The following AKAP13 variants were observed in gnomAD, a reference collection of about 807,000 sequenced individuals.
The protein encoded by AKAP13 is A-kinase anchor protein 13.
AKAP13 carries 80 observed loss-of-function variants against 264.5 expected under a neutral mutation model. The ratio of observed to expected loss-of-function variants is 0.30; its 90% confidence interval spans 0.25 to 0.36. AKAP13 has a LOEUF of 0.36. AKAP13 is among the 10% of genes least tolerant of loss of function. The pLI, the probability that AKAP13 is intolerant of heterozygous loss-of-function variation, is 1.00. For missense variants in AKAP13, 3,712 were observed against 3,435.2 expected (o/e 1.08, Z -2.01); for synonymous variants, 1,380 against 1,250.2 (o/e 1.10, Z -2.19).
At chr15:85,630,720 TAAAA>T (rs944937592) in intron 8 of AKAP13, among the ~76,000 whole-genome samples, 1 of 151,880 alleles carries the variant, frequency 6.6e-6, no homozygotes, top group Non-Finnish European at 1.5e-5. Context: ...ATTTTTCCAT[TAAAA>T]AAAAGAAACT....
intron 10 of AKAP13, among the ~76,000 whole-genome samples, chr15:85,649,555 C>T (rs961126072): frequency 1.3e-5 from 2 of 152,194 alleles, no homozygotes; most frequent in Non-Finnish European, 2.9e-5. Context: ...ATGAGTGGTA[C>T]ATGAGGTCAC....
At chr15:85,543,039 A>C (rs567308443) in intron 4 of AKAP13, among the ~76,000 whole-genome samples, 2 of 152,304 alleles carry the variant, frequency 1.3e-5, no homozygotes, top group African/African-American at 4.8e-5. Flanking sequence ...TCATTCTGTC[A>C]CTTTCAGAGT....
chr15:85,453,623 A>G (rs562542579), intron 1 of AKAP13, among the ~76,000 whole-genome samples: 6 of 152,330 alleles, frequency 3.9e-5, no homozygotes, highest in Non-Finnish European at 5.9e-5. Flanking sequence ...TTAAAAAAGC[A>G]GTCTGGCCAC....
intron 1 of AKAP13, among the ~76,000 whole-genome samples, chr15:85,434,933 C>T (rs1415260256): frequency 7.3e-5 from 11 of 151,448 alleles, no homozygotes; most frequent in East Asian, 3.9e-4. Context: ...TCCAAAGGAA[C>T]GCAGTTCCTC....
At chr15:85,391,614 A>C (rs1395922470) in intron 1 of AKAP13, among the ~76,000 whole-genome samples, 4 of 150,312 alleles carry the variant, frequency 2.7e-5, no homozygotes, top group Non-Finnish European at 5.9e-5. Context: ...CCTCCCCAGC[A>C]GCTGGGACCA....
At chr15:85,677,761 G>T (rs2151590038) in intron 14 of AKAP13, among the ~76,000 whole-genome samples, 1 of 151,422 alleles carries the variant, frequency 6.6e-6, no homozygotes, top group Non-Finnish European at 1.5e-5. Flanking sequence ...CAGCCTCCCG[G>T]GTAGCCTCCT....
intron 1 of AKAP13, among the ~76,000 whole-genome samples, chr15:85,434,110 GCGCGCACCGTGCGCGAGC>G (rs1364968815): frequency 5.3e-5 from 8 of 151,690 alleles, no homozygotes; most frequent in Non-Finnish European, 1.0e-4. Flanking sequence ...GCCAGTGGGT[GCGCGCACCGTGCGCGAGC>G]CGAAGCAGGG....
At chr15:85,409,225 T>C (rs2071824180) in intron 1 of AKAP13, among the ~76,000 whole-genome samples, 3 of 151,876 alleles carry the variant, frequency 2.0e-5, no homozygotes, top group African/African-American at 7.3e-5. Flanking sequence ...TCGCCTAGCC[T>C]GGAGTGCATA....
intron 8 of AKAP13, among the ~76,000 whole-genome samples, chr15:85,630,213 T>C (rs71460462): frequency 0.12 from 2,238 of 18,150 alleles, 102 homozygotes; most frequent in Non-Finnish European, 0.17. Flanking sequence ...ACACACATCA[T>C]GAACTAAGAT....
intron 1 of AKAP13, among the ~76,000 whole-genome samples, chr15:85,466,477 A>C (rs2074745674): frequency 6.6e-6 from 1 of 152,128 alleles, no homozygotes; most frequent in Non-Finnish European, 1.5e-5. Flanking sequence ...TAGGGTTTTT[A>C]TGGTTTTAGG....
At chr15:85,434,005 C>G (rs2073146753) in intron 1 of AKAP13, among the ~76,000 whole-genome samples, 2 of 151,944 alleles carry the variant, frequency 1.3e-5, no homozygotes, top group Non-Finnish European at 2.9e-5. Context: ...CTCCGGTCTA[C>G]AGCTCCCAGC....
rs547967421 is a variant in AKAP13 at position 85,420,670 on chromosome 15, A to C, written c.-12+39872A>C. Reference sequence around the variant, plus strand: ...AAAGTGTGGGGACCATTTTCGAAGGAGGTCAAGAGCTAGCTATTTTATGTA... The same window carrying C: ...AAAGTGTGGGGACCATTTTCGAAGGCGGTCAAGAGCTAGCTATTTTATGTA... On this transcript the variant is annotated intron_variant, in intron 1 of 36. Coordinates refer to ENST00000394518, the MANE Select transcript of AKAP13 (RefSeq NM_007200.5). 3.3e-5 allele frequency among the ~76,000 whole-genome samples: 5 copies of C among 152,262 alleles called. No homozygotes were observed. In the South Asian group the frequency reaches 1.0e-3, roughly 32 times the overall value.
intron 1 of AKAP13, among the ~76,000 whole-genome samples, chr15:85,383,487 A>T (rs1168075099): frequency 6.6e-6 from 1 of 152,196 alleles, no homozygotes; most frequent in Admixed American, 6.5e-5. Context: ...TAATTTTGGT[A>T]CATTTTTACA....
chr15:85,568,272 C>A (rs1596554101), intron 5 of AKAP13, among the ~76,000 whole-genome samples: 2 of 150,442 alleles, frequency 1.3e-5, no homozygotes, highest in Middle Eastern at 6.8e-3. Flanking sequence ...CACACTCCAG[C>A]ATGAGTGACC....
At chr15:85,499,281 C>T (rs1441597297) in intron 2 of AKAP13, among the ~76,000 whole-genome samples, 1 of 152,068 alleles carries the variant, frequency 6.6e-6, no homozygotes, top group Non-Finnish European at 1.5e-5. Context: ...GGAATTAGCA[C>T]TTCACATTTT....
Position 85,581,259 on chromosome 15 carries a change from C to T in AKAP13, c.3191C>T (p.Pro1064Leu). 1.2e-6 allele frequency: 2 copies of T among 1,614,206 alleles called. No homozygotes were observed. The highest frequency in any genetic ancestry group is 1.7e-6 in the Non-Finnish European group (2 of 1,180,034). ...SDALNCSQPS[P>L]LDVGVKNTQS... ...GCTCTTAACTGCAGTCAGCCTTCTC[C>T]TCTGGATGTTGGAGTGAAGAACACT... is the stretch of plus-strand genomic sequence containing the variant. Residue 1064 changes from proline (P) to leucine (L), a missense_variant, in exon 7 of 37, where the codon CCT becomes CTT. This residue lies in a region of AKAP13 where 2,759 missense variants were observed against 2,411.7 expected (regional missense o/e 1.14). Coordinates refer to ENST00000394518, the MANE Select transcript of AKAP13 (RefSeq NM_007200.5).
rs1471759053 is a variant in AKAP13, at chr15:85,582,119, A to G, written c.4039+12A>G. 2 of 1,565,378 alleles carry G rather than the reference A, an allele frequency of 1.3e-6. No homozygotes were observed. The highest frequency in any genetic ancestry group is 1.2e-5 in the South Asian group (1 of 85,340). The stretch of plus-strand genomic sequence containing the variant: ...TGAGCCAGCAGCAGGTAAGCAAAAC[A>G]TAATACAAAATTAACAGTCTGAGAA... On this transcript the variant is annotated intron_variant, in intron 7 of 36. Transcript: ENST00000394518.
Position 85,701,860 on chromosome 15 carries a change from A to G in AKAP13, c.5465-6159A>G, listed in dbSNP as rs564292093. On this transcript the variant is annotated intron_variant, in intron 17 of 36. Transcript: ENST00000394518. ...AAATACATTCTTTAATTTGCATACCACCCTACTCCAGAAGTAATGTAGAAA... is the reference window on the plus strand; with the variant it reads ...AAATACATTCTTTAATTTGCATACCGCCCTACTCCAGAAGTAATGTAGAAA... Among the ~76,000 whole-genome samples, 4 of 152,174 alleles carry G rather than the reference A, an allele frequency of 2.6e-5. No individual in the cohort carries two copies. In the South Asian group the frequency reaches 8.3e-4, roughly 32 times the overall value.
intron 5 of AKAP13, among the ~76,000 whole-genome samples, chr15:85,562,246 A>G (rs1309161494): frequency 1.3e-5 from 2 of 152,164 alleles, no homozygotes; most frequent in Non-Finnish European, 2.9e-5. Flanking sequence ...TTTAATGAGT[A>G]CTTACTAGTA....
Sources: gnomAD v4.1 joint callset for allele counts (sites outside exome capture counted in the v4.1 genomes callset) on GRCh38, gnomAD v4.1.1 for gene constraint, gnomAD v4.1.1 regional missense constraint, MANE v1.5 for transcripts, NCBI Gene and HGNC (gene_info 2026-07-23, HGNC 2026-07-21) for gene names.